Variants in WDFY4 observed in about 807,000 individuals in gnomAD.
The protein encoded by WDFY4 is WD repeat- and FYVE domain-containing protein 4.
A neutral mutation model predicts 351.9 loss-of-function variants in WDFY4; 169 were observed. That is an observed-to-expected ratio of 0.48 (90% CI 0.42 to 0.55). WDFY4 has a LOEUF of 0.55. WDFY4 is among the 20% of genes least tolerant of loss of function. The pLI, the probability that WDFY4 is intolerant of heterozygous loss-of-function variation, is 0.00. For synonymous variants in WDFY4, 1,622 were observed against 1,574.6 expected, an observed-to-expected ratio of 1.03 and a Z score of -0.71; for missense variants, 3,803 against 3,935.6, an observed-to-expected ratio of 0.97 and a Z score of 0.90.
At position 48,786,869 on chromosome 10, in the gene WDFY4, A is replaced by G. The variant is rs767486395; in HGVS notation, c.3807A>G (p.Gln1269=). The change falls in exon 20 of 62, where the codon CAA becomes CAG. Residue 1269 remains glutamine (Q), a splice_region_variant and synonymous_variant. Transcript: ENST00000325239. ...GTAACTTCCAAGCTGTGCATGTCCA[A>G]GGTATGGAGTGTTTTGATTTACAAT... ...YCGNFQAVHV[Q]GEDLDSEATP... is the part of the protein sequence containing the mutation. 9.0e-6 allele frequency: 14 copies of G among 1,550,972 alleles called. No individual in the cohort carries two copies. In the South Asian group the frequency reaches 1.5e-4, roughly 17 times the overall value.
chr10:48,897,344 G>A, intron 44 of WDFY4, 110 bp from the exon 45 acceptor site: 1 of 1,441,816 alleles, frequency 6.9e-7, no homozygotes, highest in Non-Finnish European at 9.3e-7. Context: ...TCTCTGATGT[G>A]TCATTGGAAA....
At chr10:48,776,687 G>C in intron 15 of WDFY4, 63 bp from the exon 16 acceptor site, 1 of 1,405,240 alleles carries the variant, frequency 7.1e-7, no homozygotes, top group Non-Finnish European at 9.4e-7. Flanking sequence ...TGGGGTTATT[G>C]TCAGAAGCGA....
intron 47 of WDFY4, among the ~76,000 whole-genome samples, chr10:48,940,469 G>A (rs1445387370): frequency 6.6e-6 from 1 of 152,202 alleles, no homozygotes; most frequent in Non-Finnish European, 1.5e-5. Flanking sequence ...ATGTGACGGT[G>A]GGGCTATGAT....
intron 39 of WDFY4, among the ~76,000 whole-genome samples, chr10:48,861,386 G>C (rs1426717850): frequency 6.6e-6 from 1 of 152,038 alleles, no homozygotes; most frequent in East Asian, 1.9e-4. Flanking sequence ...AGCTTTGGTG[G>C]TGACAAATTC....
intron 13 of WDFY4, among the ~76,000 whole-genome samples, chr10:48,774,256 CT>C (rs2132614557): frequency 6.7e-6 from 1 of 148,422 alleles, no homozygotes; most frequent in East Asian, 2.0e-4. Flanking sequence ...CTGCCAGAGG[CT>C]GCCTCCCACA....
chr10:48,968,201 A>T (rs959607540), intron 55 of WDFY4: 1 of 152,276 alleles, frequency 6.6e-6, no homozygotes, highest in Non-Finnish European at 1.5e-5. Flanking sequence ...TGACAGTGCC[A>T]TGAAGTGGTG....
intron 33 of WDFY4, among the ~76,000 whole-genome samples, 177 bp downstream of exon 33, chr10:48,820,614 T>A (rs1462633995): frequency 6.6e-6 from 1 of 151,570 alleles, no homozygotes. Flanking sequence ...GAGCACAGAG[T>A]CCCTAGAAGC....
Position 48,946,841 on chromosome 10 carries a change from G to C in WDFY4, c.7868-19G>C, listed in dbSNP as rs927698778. ...GTGCAGGTAAGGAAGCAGCCCTCAA[G>C]CATGTGTTTTTGTTGCAGGAGACAT... On this transcript the variant is annotated intron_variant, in intron 50 of 61. Coordinates refer to ENST00000325239, the MANE Select transcript of WDFY4 (RefSeq NM_001394531.1). 1 of 1,543,130 alleles carries C rather than the reference G, an allele frequency of 6.5e-7. No homozygotes were observed. The highest frequency in any genetic ancestry group is 1.4e-5 in the African/African-American group (1 of 72,978).
At chr10:48,716,147 C>T (rs1031368205) in intron 2 of WDFY4, among the ~76,000 whole-genome samples, 1 of 152,212 alleles carries the variant, frequency 6.6e-6, no homozygotes, top group East Asian at 1.9e-4. Context: ...CTGCATCACA[C>T]TCGCAGGGAA....
chr10:48,975,281 C>A (rs190782092), intron 58 of WDFY4: 2 of 620,542 alleles, frequency 3.2e-6, no homozygotes, highest in Non-Finnish European at 5.6e-6. Context: ...TGCTTTGCTG[C>A]GGGCACCAGG....
Position 48,868,811 on chromosome 10 carries a change from T to C in WDFY4, c.6741+1469T>C, listed in dbSNP as rs1315506668. Among the ~76,000 whole-genome samples the C allele has an allele frequency of 2.0e-5, 3 of 152,306 alleles. No individual in the cohort carries two copies. In the East Asian group the frequency reaches 5.8e-4, roughly 29 times the overall value. ...TAGAAGAGCCTGGGAGATACAGTTATGGCCAGGAGAGATGCCCTGGGGTAC... is the reference window on the plus strand; with the variant it reads ...TAGAAGAGCCTGGGAGATACAGTTACGGCCAGGAGAGATGCCCTGGGGTAC... On this transcript the variant is annotated intron_variant, in intron 40 of 61. Transcript: ENST00000325239.
rs1555010320 is a variant in WDFY4, at chr10:48,787,807, C to CT, written c.3809-722dup. 5.6e-3 allele frequency among the ~76,000 whole-genome samples: 427 copies of CT among 76,754 alleles called. 12 individuals are homozygous for CT. Among genetic ancestry groups the CT allele is most frequent in the Middle Eastern group, 0.043 (6 of 138 alleles). The allele number at this position is 76,754 out of a possible 152,430, so 50.4% of individuals were successfully genotyped here. On this transcript the variant is annotated intron_variant, in intron 20 of 61. Coordinates refer to ENST00000325239, the MANE Select transcript of WDFY4 (RefSeq NM_001394531.1). ...CCTCTTCCTCCTCCTCCTCCTCCTC[C>CT]TCTTCTTCTTCTTCTTCTTCTTCTT...
In WDFY4 at chr10:48,779,932, G is replaced by A. The variant is rs2066163264; in HGVS notation, c.3398-9G>A. ...ACACGTGAGACTCAGTGTTCATGCT[G>A]TCTTCCAGATGTCATGGAACCTGAG... On this transcript the variant is annotated splice_polypyrimidine_tract_variant and intron_variant, in intron 18 of 61. Transcript: ENST00000325239. 2 of 1,551,424 alleles carry A rather than the reference G, an allele frequency of 1.3e-6. No homozygotes were observed. The highest frequency in any genetic ancestry group is 1.7e-6 in the Non-Finnish European group (2 of 1,146,982).
At chr10:48,796,164 C>T in intron 23 of WDFY4, 134 bp from the exon 24 acceptor site, 3 of 1,123,698 alleles carry the variant, frequency 2.7e-6, no homozygotes, top group Non-Finnish European at 3.7e-6. Context: ...GTGTATTTTT[C>T]TTCTGAGAAC....
At chr10:48,805,953 G>A in intron 26 of WDFY4, 51 bp from the exon 27 acceptor site, 1 of 1,499,478 alleles carries the variant, frequency 6.7e-7, no homozygotes, top group East Asian at 2.5e-5. Flanking sequence ...GTACTCAGCG[G>A]ACTCAGTTGA....
rs7923908 is a variant in WDFY4 at position 48,974,153 on chromosome 10, A to G, written c.8929-709A>G. Among the ~76,000 whole-genome samples, 924 of 152,270 alleles carry G rather than the reference A, an allele frequency of 6.1e-3. 11 individuals carry two copies. The highest frequency in any genetic ancestry group is 0.021 in the African/African-American group (868 of 41,536). On this transcript the variant is annotated intron_variant, in intron 57 of 61. Transcript: ENST00000325239. ...GCATTCTAAGAGGCTACTTGCTGCT[A>G]CTGAGCCTGCTGGTGTGGGCACCAC...
At chr10:48,868,066 A>G (rs1398271919) in intron 40 of WDFY4, among the ~76,000 whole-genome samples, 1 of 152,214 alleles carries the variant, frequency 6.6e-6, no homozygotes, top group Non-Finnish European at 1.5e-5. Context: ...ATAAGGAGCC[A>G]TTAGTGTGTC....
chr10:48,732,978 C>T (rs537182473), intron 9 of WDFY4, among the ~76,000 whole-genome samples: 12 of 152,232 alleles, frequency 7.9e-5, no homozygotes, highest in Non-Finnish European at 1.6e-4. Context: ...GAGTTGCTTT[C>T]TACTGCTTAG....
chr10:48,837,090 T>C (rs139756479), intron 39 of WDFY4, among the ~76,000 whole-genome samples: 7 of 152,250 alleles, frequency 4.6e-5, no homozygotes, highest in African/African-American at 1.7e-4. Context: ...TTGTAACTTT[T>C]ATGAAAATTG....
Sources: allele counts gnomAD v4.1 joint callset (sites outside exome capture counted in the v4.1 genomes callset), GRCh38; gene constraint gnomAD v4.1.1; transcripts MANE v1.5; gene names NCBI Gene and HGNC (gene_info 2026-07-23, HGNC 2026-07-21).